Variants in CSMD1 observed in about 807,000 individuals in gnomAD.
CSMD1 encodes the protein CUB and sushi domain-containing protein 1.
Under a neutral mutation model 417.5 loss-of-function variants are expected in CSMD1, and 213 were observed. The ratio of observed to expected loss-of-function variants is 0.51; its 90% CI spans 0.46 to 0.57. CSMD1 has a LOEUF of 0.57. Among genes scored for constraint, CSMD1 ranks in the 20% least tolerant of loss-of-function variants. The pLI is 0.00. For missense variants in CSMD1, 6,923 were observed against 4,529.7 expected, an observed-to-expected ratio of 1.53 and a Z score of -15.17; for synonymous variants, 2,862 against 1,736.8, an observed-to-expected ratio of 1.65 and a Z score of -16.11.
chr8:4,641,607 A>G (rs1803194927), intron 1 of CSMD1, among the ~76,000 whole-genome samples: 2 of 152,206 alleles, frequency 1.3e-5, no homozygotes, highest in African/African-American at 2.4e-5. Context: ...GAATGAATCA[A>G]GGTCTTCTGA....
chr8:4,096,638 T>C (rs1801026197), intron 3 of CSMD1, among the ~76,000 whole-genome samples: 1 of 152,220 alleles, frequency 6.6e-6, no homozygotes, highest in Non-Finnish European at 1.5e-5. Context: ...ATCTTAAAAA[T>C]CTTTACTAAG....
rs545212684 is a variant in CSMD1 at position 3,520,039 on chromosome 8, T to TATATATATACAC, written c.1345-26314_1345-26313insGTGTATATATAT. ...ATATACCTATATATATATATATATA[T>TATATATATACAC]ACACGTATAGTTGTGAAACTTGCTC... On this transcript the variant is annotated intron_variant, in intron 10 of 69. Transcript: ENST00000635120. 7.7e-4 allele frequency among the ~76,000 whole-genome samples: 113 copies of TATATATATACAC among 147,182 alleles called. 1 individual carries two copies. The highest frequency in any genetic ancestry group is 3.5e-3 in the Middle Eastern group (1 of 284).
intron 7 of CSMD1, among the ~76,000 whole-genome samples, chr8:3,687,109 C>G (rs987291670): frequency 3.3e-5 from 5 of 152,212 alleles, no homozygotes; most frequent in African/African-American, 9.7e-5. Context: ...AATGCAGGAT[C>G]CTATACTAAT....
At chr8:4,808,982 A>C (rs935896603) in intron 1 of CSMD1, among the ~76,000 whole-genome samples, 2 of 152,206 alleles carry the variant, frequency 1.3e-5, no homozygotes, top group African/African-American at 4.8e-5. Context: ...CTTGTTTAAA[A>C]TTGGAGGACA....
At chr8:3,866,563 T>C (rs1272101377) in intron 5 of CSMD1, among the ~76,000 whole-genome samples, 4 of 152,150 alleles carry the variant, frequency 2.6e-5, no homozygotes, top group African/African-American at 9.7e-5. Context: ...TTTTTAGTTC[T>C]GGTGATGACA....
At chr8:4,097,508 C>CT (rs1363373582) in intron 3 of CSMD1, among the ~76,000 whole-genome samples, 1 of 152,166 alleles carries the variant, frequency 6.6e-6, no homozygotes, top group Non-Finnish European at 1.5e-5. Context: ...CTTTGAATGT[C>CT]TTGTTGCCCC....
chr8:3,039,583 A>C (rs1810948748), intron 50 of CSMD1, among the ~76,000 whole-genome samples: 1 of 151,160 alleles, frequency 6.6e-6, no homozygotes, highest in South Asian at 2.1e-4. Context: ...ATACATTATG[A>C]CAATAAACTT....
At chr8:4,059,054 T>G (rs1798839060) in intron 3 of CSMD1, among the ~76,000 whole-genome samples, 1 of 152,026 alleles carries the variant, frequency 6.6e-6, no homozygotes, top group Non-Finnish European at 1.5e-5. Flanking sequence ...AAAGCTCTCC[T>G]CAGCAAATGT....
intron 12 of CSMD1, among the ~76,000 whole-genome samples, chr8:3,412,469 G>C (rs1255623148): frequency 6.6e-6 from 1 of 152,122 alleles, no homozygotes; most frequent in African/African-American, 2.4e-5. Flanking sequence ...TTGCATTCAA[G>C]AGGAGAAACT....
chr8:3,472,042 G>C (rs1817134751), intron 11 of CSMD1, among the ~76,000 whole-genome samples: 1 of 151,998 alleles, frequency 6.6e-6, no homozygotes, highest in African/African-American at 2.4e-5. Context: ...ATGCCACCAT[G>C]CAACATGACT....
chr8:3,233,320 G>C (rs1012120958), intron 26 of CSMD1, among the ~76,000 whole-genome samples: 3 of 152,178 alleles, frequency 2.0e-5, no homozygotes, highest in Non-Finnish European at 4.4e-5. Flanking sequence ...AGTGACCTGA[G>C]CTGGCATGCT....
At chr8:3,337,281 A>G (rs773708163) in intron 23 of CSMD1, among the ~76,000 whole-genome samples, 6 of 152,234 alleles carry the variant, frequency 3.9e-5, no homozygotes, top group Non-Finnish European at 7.3e-5. Flanking sequence ...TGGATGAAAT[A>G]AATTGCTTTT....
chr8:3,037,268 G>T (rs6997508), intron 50 of CSMD1, among the ~76,000 whole-genome samples: 3 of 148,170 alleles, frequency 2.0e-5, no homozygotes, highest in Non-Finnish European at 4.5e-5. Flanking sequence ...TGCAGTGGCG[G>T]GATCTCGGCT....
intron 5 of CSMD1, among the ~76,000 whole-genome samples, chr8:3,789,218 G>T (rs1244799905): frequency 1.3e-5 from 2 of 152,062 alleles, no homozygotes; most frequent in South Asian, 4.1e-4. Context: ...GAGCAAGATA[G>T]TGGGCCCTCA....
At chr8:4,888,786 G>A (rs1803917526) in intron 1 of CSMD1, among the ~76,000 whole-genome samples, 1 of 152,034 alleles carries the variant, frequency 6.6e-6, no homozygotes, top group African/African-American at 2.4e-5. Context: ...AAAATCACAG[G>A]ACATATCAAA....
Position 3,029,369 on chromosome 8 carries a change from C to A in CSMD1, c.7805G>T (p.Cys2602Phe). Residue 2602 changes from cysteine to phenylalanine, a missense_variant, in exon 51 of 70, where the codon TGC becomes TTC. Coordinates refer to ENST00000635120, the MANE Select transcript of CSMD1 (RefSeq NM_033225.6). The stretch of plus-strand genomic sequence containing the variant: ...TATGTTCCACGTCCCATTGGCCTGG[C>A]ACCGCAGGAGCCTCCAGCCTTCTAA... ...YYLEGWRLLRCQANGTWNIGD... is the reference protein window; with the variant it reads ...YYLEGWRLLRFQANGTWNIGD... 2 of 1,611,338 alleles carry A rather than the reference C, an allele frequency of 1.2e-6. No individual in the cohort carries two copies. Among genetic ancestry groups the A allele is most frequent in the Non-Finnish European group, 1.7e-6 (2 of 1,179,418 alleles).
chr8:3,978,865 G>A (rs765872808), intron 5 of CSMD1, among the ~76,000 whole-genome samples: 4 of 152,118 alleles, frequency 2.6e-5, no homozygotes, highest in Admixed American at 6.5e-5. Context: ...CTCCCATTAG[G>A]TTTAATGAAA....
At chr8:4,298,088 A>T (rs151224034) in intron 3 of CSMD1, among the ~76,000 whole-genome samples, 1 of 152,130 alleles carries the variant, frequency 6.6e-6, no homozygotes, top group East Asian at 1.9e-4. Context: ...GTGAAAACCC[A>T]GGGTATAAAG....
chr8:4,320,817 C>G (rs1038988875), intron 3 of CSMD1, among the ~76,000 whole-genome samples: 6 of 152,054 alleles, frequency 3.9e-5, no homozygotes, highest in African/African-American at 1.4e-4. Context: ...CCATTTGACC[C>G]AACAATCCCA....
Sources: gnomAD v4.1 joint callset for allele counts (sites outside exome capture counted in the v4.1 genomes callset) on GRCh38, gnomAD v4.1.1 for gene constraint, MANE v1.5 for transcripts, NCBI Gene and HGNC (gene_info 2026-07-23, HGNC 2026-07-21) for gene names.